The following TCTN3 variants were observed in gnomAD, a reference collection of about 807,000 sequenced individuals.
TCTN3 encodes the protein tectonic family member 3.
A neutral mutation model predicts 71.3 loss-of-function variants in TCTN3; 57 were observed. That is an observed-to-expected ratio of 0.80 (90% CI 0.65 to 1.00). The LOEUF is 1.00. Among genes scored for constraint, TCTN3 ranks in the 50% least tolerant of loss-of-function variants. TCTN3 has a pLI of 0.00. For synonymous variants in TCTN3, 258 were observed against 267.8 expected (o/e 0.96, Z 0.36); for missense variants, 696 against 719.9 (o/e 0.97, Z 0.38).
intron 12 of TCTN3, among the ~76,000 whole-genome samples, chr10:95,682,125 G>A (rs146591175): frequency 1.1e-3 from 161 of 151,538 alleles, no homozygotes; most frequent in African/African-American, 3.8e-3. Context: ...GGCCCAGAAG[G>A]TTGAGAATGC....
chr10:95,691,854 A>G (rs1162775838), intron 3 of TCTN3, among the ~76,000 whole-genome samples: 1 of 152,194 alleles, frequency 6.6e-6, no homozygotes, highest in Non-Finnish European at 1.5e-5. Context: ...AGCCAATGAT[A>G]TTATTTCTCA....
intron 13 of TCTN3, among the ~76,000 whole-genome samples, chr10:95,670,757 G>A (rs2097930314): frequency 1.3e-5 from 2 of 152,122 alleles, no homozygotes; most frequent in Non-Finnish European, 2.9e-5. Context: ...CGACCTCTTA[G>A]AATCAAGCAA....
intron 13 of TCTN3, among the ~76,000 whole-genome samples, chr10:95,666,994 C>T (rs895067249): frequency 6.6e-6 from 1 of 152,190 alleles, no homozygotes; most frequent in Admixed American, 6.5e-5. Context: ...AAAAGAGTAT[C>T]ATTAGCCTCC....
intron 13 of TCTN3, 34 bp from the exon 14 acceptor site, chr10:95,664,334 TG>T: frequency 6.3e-7 from 1 of 1,578,290 alleles, no homozygotes; most frequent in Non-Finnish European, 8.7e-7. Context: ...GGTCAGCGCT[TG>T]GTACCCATTC....
intron 13 of TCTN3, among the ~76,000 whole-genome samples, chr10:95,667,080 T>C (rs984418889): frequency 3.3e-5 from 5 of 152,150 alleles, no homozygotes; most frequent in Non-Finnish European, 4.4e-5. Flanking sequence ...ATATAACTAT[T>C]AACCCAAGAA....
intron 13 of TCTN3, among the ~76,000 whole-genome samples, chr10:95,672,685 CTTTTTTTTTTT>C (rs766029244): frequency 3.7e-5 from 3 of 80,414 alleles, no homozygotes; most frequent in African/African-American, 1.4e-4. Flanking sequence ...CTGTTCAAAT[CTTTTTTTTTTT>C]TTTTTTTTTT....
intron 13 of TCTN3, among the ~76,000 whole-genome samples, chr10:95,665,987 C>A (rs183361153): frequency 2.0e-5 from 3 of 150,888 alleles, no homozygotes; most frequent in African/African-American, 7.3e-5. Context: ...GTCGCCCAGG[C>A]TGGAGTGCAG....
chr10:95,664,128 A>G lies in TCTN3; in HGVS notation c.1763T>C (p.Val588Ala). The G allele has an allele frequency of 1.2e-6, 2 of 1,614,154 alleles. No individual in the cohort carries two copies. Among genetic ancestry groups the G allele is most frequent in the Non-Finnish European group, 1.7e-6 (2 of 1,180,038 alleles). ...SRGVFSQKCS[V>A]SPILILCLLL... ...GAGGCACAGGATAAGGATGGGAGAG[A>G]CTGAGCATTTTTGAGAGAATACTCC... Residue 588 changes from valine (V) to alanine (A), a missense_variant, in exon 14 of 14, where the codon GTC (valine) becomes GCC (alanine). Transcript: ENST00000371217.
chr10:95,693,501 G>A, intron 1 of TCTN3, 25 bp from the exon 2 acceptor site: 6 of 1,552,094 alleles, frequency 3.9e-6, no homozygotes, highest in Non-Finnish European at 5.2e-6. Context: ...CACAGAGTGA[G>A]TGGGATGAAG....
Position 95,684,495 on chromosome 10 carries a change from T to C in TCTN3, c.1095+4A>G. The stretch of plus-strand genomic sequence containing the variant: ...TAAATCCCCTATAAGAGAAGGGCCC[T>C]AACCCTGAAGCGAAGGATGAAGTGT... On this transcript the variant is annotated splice_donor_region_variant and intron_variant, in intron 9 of 13. Transcript: ENST00000371217. 6.2e-7 allele frequency: 1 copy of C among 1,613,930 alleles called. No homozygotes were observed. The highest frequency in any genetic ancestry group is 1.3e-5 in the African/African-American group (1 of 75,052).
intron 13 of TCTN3, among the ~76,000 whole-genome samples, chr10:95,666,240 C>CT (rs35125356): frequency 0.22 from 30,453 of 138,186 alleles, 3,858 homozygotes; most frequent in East Asian, 0.61. Flanking sequence ...CATGCCCAGC[C>CT]TTTTTTTTTT....
Position 95,664,024 on chromosome 10 carries a change from A to C in TCTN3, c.*43T>G. 1 of 1,572,224 alleles carries C rather than the reference A, an allele frequency of 6.4e-7. No individual in the cohort carries two copies. The highest frequency in any genetic ancestry group is 8.7e-7 in the Non-Finnish European group (1 of 1,143,248). On this transcript the variant is annotated 3_prime_UTR_variant, in exon 14 of 14. Coordinates refer to ENST00000371217, the MANE Select transcript of TCTN3 (RefSeq NM_015631.6). ...TAGCCAAGATAAGTGGCTGCCTCAG[A>C]GTTTCTCATAGGGAAAACTGAAATC...
intron 13 of TCTN3, among the ~76,000 whole-genome samples, chr10:95,676,790 T>C (rs2097937601): frequency 6.6e-6 from 1 of 152,198 alleles, no homozygotes; most frequent in Admixed American, 6.5e-5. Flanking sequence ...ATGATAAAAT[T>C]GATAATAATG....
At chr10:95,677,349 G>A (rs917123238) in intron 13 of TCTN3, among the ~76,000 whole-genome samples, 6 of 152,104 alleles carry the variant, frequency 3.9e-5, no homozygotes, top group Admixed American at 2.6e-4. Flanking sequence ...TCATGGGTTT[G>A]TTGTGAGAAT....
At position 95,684,479 on chromosome 10, in the gene TCTN3, T is replaced by C; in HGVS notation, c.1095+20A>G. On this transcript the variant is annotated intron_variant, in intron 9 of 13. Transcript: ENST00000371217. The stretch of plus-strand genomic sequence containing the variant: ...AATATTTCTTCCCCTCTAAATCCCC[T>C]ATAAGAGAAGGGCCCTAACCCTGAA... 1 of 1,611,980 alleles carries C rather than the reference T, an allele frequency of 6.2e-7. No individual in the cohort carries two copies. The highest frequency in any genetic ancestry group is 8.5e-7 in the Non-Finnish European group (1 of 1,179,250).
chr10:95,679,205 C>CA (rs1032394107), intron 13 of TCTN3, among the ~76,000 whole-genome samples: 3 of 151,388 alleles, frequency 2.0e-5, no homozygotes, highest in Admixed American at 6.6e-5. Flanking sequence ...AATACCCAGA[C>CA]AAAAAAAAGG....
rs373367055 is a variant in TCTN3, at chr10:95,692,847, A to G, written c.499+73T>C. Reference sequence around the variant, plus strand: ...GTGGCCCAAGACAATTCTTCTTCCAATGTGGGCCAGGGAAGACAAAATATA... The same window carrying G: ...GTGGCCCAAGACAATTCTTCTTCCAGTGTGGGCCAGGGAAGACAAAATATA... On this transcript the variant is annotated intron_variant, in intron 3 of 13. Transcript: ENST00000371217. 1.1e-5 allele frequency: 12 copies of G among 1,089,002 alleles called. No homozygotes were observed. The East Asian group carries it at 1.4e-4, about 13-fold the overall frequency. 67.5% of individuals were successfully genotyped at this position (1,089,002 alleles called of 1,614,324 possible). A position where few individuals can be genotyped will look rare whatever the true frequency, so the allele number is the denominator to read the frequency against.
Position 95,692,950 on chromosome 10 carries a change from T to C in TCTN3, c.469A>G (p.Ile157Val). ...TTCACATGGACACAAAACTGCCTGA[T>C]TCCATTAGAATCCATGAAAACTCTT... ...PSRVFMDSNGIRQFCVHVNNS... is the reference protein window; with the variant it reads ...PSRVFMDSNGVRQFCVHVNNS... The change falls in exon 3 of 14, where the codon ATC becomes GTC. Residue 157 changes from isoleucine (I) to valine (V), a missense_variant. Transcript: ENST00000371217. 4 of 1,614,062 alleles carry C rather than the reference T, an allele frequency of 2.5e-6. No individual in the cohort carries two copies. In the East Asian group the frequency reaches 6.7e-5, roughly 27 times the overall value.
rs1384430338 is a variant in TCTN3 at position 95,693,742 on chromosome 10, G to A, written c.158C>T (p.Ala53Val). The A allele has an allele frequency of 6.4e-7, 1 of 1,551,666 alleles. No individual in the cohort carries two copies. The highest frequency in any genetic ancestry group is 8.7e-7 in the Non-Finnish European group (1 of 1,146,988). Residue 53 changes from alanine to valine, a missense_variant, in exon 1 of 14, where the codon GCG becomes GTG. By Grantham distance (64) the Ala-to-Val change is moderately conservative (BLOSUM62 0). Transcript: ENST00000371217. ...DGGTLQSPSE[A>V]TATRPAVPGL... ...AGGCACGGCCGGGCGAGTTGCAGTC[G>A]CCTCTGAAGGGGACTGGAGGGTTCC... is the stretch of plus-strand genomic sequence containing the variant.
Sources: gnomAD v4.1 joint callset for allele counts (sites outside exome capture counted in the v4.1 genomes callset) on GRCh38, gnomAD v4.1.1 for gene constraint, MANE v1.5 for transcripts, NCBI Gene and HGNC (gene_info 2026-07-23, HGNC 2026-07-21) for gene names.